The following GRM1 variants were observed in gnomAD, a reference collection of about 807,000 sequenced individuals.
GRM1 encodes the protein metabotropic glutamate receptor 1.
GRM1 carries 33 observed loss-of-function variants against 90.9 expected under a neutral mutation model. That is an observed-to-expected ratio of 0.36 (90% CI 0.28 to 0.49). GRM1 has a LOEUF of 0.49. GRM1 is among the 20% of genes least tolerant of loss of function. The probability of loss-of-function intolerance (pLI) is 0.99; values close to 1 mark genes in which losing one functional copy is unlikely to be tolerated. For synonymous variants in GRM1, 700 were observed against 613.2 expected, an observed-to-expected ratio of 1.14 and a Z score of -2.09; for missense variants, 1,190 against 1,534.3, an observed-to-expected ratio of 0.78 and a Z score of 3.75.
chr6:146,228,042 A>G (rs1388548768), intron 2 of GRM1, among the ~76,000 whole-genome samples: 1 of 152,128 alleles, frequency 6.6e-6, no homozygotes, highest in Non-Finnish European at 1.5e-5. Context: ...TATCTCTTCT[A>G]TGGTAAATTG....
chr6:146,301,159 C>T (rs1340055110), intron 2 of GRM1, among the ~76,000 whole-genome samples: 1 of 152,032 alleles, frequency 6.6e-6, no homozygotes. Context: ...ACCAAGAAAT[C>T]CTACTTGAAT....
chr6:146,182,530 A>ACAATTACTT (rs56709585), intron 2 of GRM1, among the ~76,000 whole-genome samples: 16,634 of 152,056 alleles, frequency 0.11, 1,818 homozygotes, highest in African/African-American at 0.28. Flanking sequence ...TCTAATGACA[A>ACAATTACTT]CAATTACTTG....
intron 1 of GRM1, among the ~76,000 whole-genome samples, chr6:146,156,157 G>C (rs1777519871): frequency 6.6e-6 from 1 of 152,188 alleles, no homozygotes; most frequent in African/African-American, 2.4e-5. Context: ...TGTAATCCCA[G>C]CACTTTGGGA....
chr6:146,387,739 A>T (rs1369072094), intron 6 of GRM1, among the ~76,000 whole-genome samples: 1 of 152,192 alleles, frequency 6.6e-6, no homozygotes, highest in East Asian at 1.9e-4. Flanking sequence ...CAGAAATGAG[A>T]ATAGACAAGG....
intron 2 of GRM1, among the ~76,000 whole-genome samples, chr6:146,294,508 A>G (rs766173144): frequency 6.6e-6 from 1 of 151,916 alleles, no homozygotes; most frequent in Non-Finnish European, 1.5e-5. Context: ...TTAAATTTCC[A>G]TGTATGCCAT....
chr6:146,433,084 G>T (rs1583493058), intron 7 of GRM1, among the ~76,000 whole-genome samples: 1 of 152,178 alleles, frequency 6.6e-6, no homozygotes, highest in Admixed American at 6.5e-5. Flanking sequence ...TATTTTTCCT[G>T]GCTTCCTCAT....
chr6:146,377,180 T>C (rs1243586299), intron 5 of GRM1, among the ~76,000 whole-genome samples: 3 of 152,016 alleles, frequency 2.0e-5, no homozygotes, highest in Admixed American at 2.0e-4. Context: ...AAATTGGTAC[T>C]GGGAGTGGGG....
At chr6:146,055,932 C>T (rs1238193627) in intron 1 of GRM1, among the ~76,000 whole-genome samples, 3 of 152,064 alleles carry the variant, frequency 2.0e-5, no homozygotes, top group African/African-American at 4.8e-5. Context: ...TACTCAATTA[C>T]TAAATTGATT....
intron 3 of GRM1, among the ~76,000 whole-genome samples, chr6:146,318,942 G>A (rs1327195269): frequency 6.6e-6 from 1 of 152,116 alleles, no homozygotes; most frequent in Non-Finnish European, 1.5e-5. Context: ...CTCCCATTTT[G>A]TAGGTTGCCT....
intron 3 of GRM1, among the ~76,000 whole-genome samples, chr6:146,312,424 A>G (rs760835384): frequency 6.6e-6 from 1 of 150,828 alleles, no homozygotes; most frequent in Non-Finnish European, 1.5e-5. Flanking sequence ...ATTTTTTGAT[A>G]AATCATCCCA....
chr6:146,218,393 A>G (rs1779946619), intron 2 of GRM1, among the ~76,000 whole-genome samples: 1 of 152,214 alleles, frequency 6.6e-6, no homozygotes, highest in Non-Finnish European at 1.5e-5. Flanking sequence ...GCAGAAAGTC[A>G]TTTACAGATA....
chr6:146,394,423 T>C (rs1776852902), intron 6 of GRM1, among the ~76,000 whole-genome samples: 1 of 152,126 alleles, frequency 6.6e-6, no homozygotes, highest in Non-Finnish European at 1.5e-5. Flanking sequence ...GAGAGTATGA[T>C]ATATACAAGA....
intron 1 of GRM1, among the ~76,000 whole-genome samples, chr6:146,131,495 GTA>G (rs1459315435): frequency 6.7e-6 from 1 of 149,818 alleles, no homozygotes. Context: ...ATATGATATG[GTA>G]TATATATAAT....
intron 5 of GRM1, among the ~76,000 whole-genome samples, chr6:146,371,590 A>G (rs1186700565): frequency 6.6e-6 from 1 of 152,012 alleles, no homozygotes; most frequent in East Asian, 1.9e-4. Flanking sequence ...TGTACTCATT[A>G]ACCATCCCCA....
chr6:146,252,101 T>A (rs1422268904), intron 2 of GRM1, among the ~76,000 whole-genome samples: 1 of 152,154 alleles, frequency 6.6e-6, no homozygotes, highest in Non-Finnish European at 1.5e-5. Flanking sequence ...TTATTTTTCC[T>A]TATTAGTTTG....
intron 1 of GRM1, among the ~76,000 whole-genome samples, chr6:146,057,919 C>T (rs1447943789): frequency 6.6e-6 from 1 of 151,994 alleles, no homozygotes; most frequent in Non-Finnish European, 1.5e-5. Flanking sequence ...TATTTGGTTA[C>T]ATGAGTAAAT....
At chr6:146,265,619 A>C (rs1399184932) in intron 2 of GRM1, among the ~76,000 whole-genome samples, 2 of 152,178 alleles carry the variant, frequency 1.3e-5, no homozygotes, top group African/African-American at 4.8e-5. Flanking sequence ...AATGTCTAGA[A>C]GACTTTTTCC....
intron 1 of GRM1, among the ~76,000 whole-genome samples, chr6:146,044,276 T>C (rs1034328803): frequency 6.6e-6 from 1 of 151,948 alleles, no homozygotes; most frequent in African/African-American, 2.4e-5. Context: ...AAATAAAATC[T>C]GGGAAAGGCG....
intron 5 of GRM1, among the ~76,000 whole-genome samples, chr6:146,378,175 T>C (rs1022102348): frequency 6.6e-6 from 1 of 152,162 alleles, no homozygotes; most frequent in African/African-American, 2.4e-5. Context: ...ATGGAGAACC[T>C]CTGCTAGGGA....
Sources: allele counts gnomAD v4.1 joint callset (sites outside exome capture counted in the v4.1 genomes callset), GRCh38; gene constraint gnomAD v4.1.1; transcripts MANE v1.5; gene names NCBI Gene and HGNC (gene_info 2026-07-23, HGNC 2026-07-21).